EIPR1: variants seen among roughly 807,000 people sequenced by gnomAD.
EIPR1 encodes the protein EARP complex and GARP complex interacting protein 1, also known as EARP and GARP complex-interacting protein 1.
In EIPR1, 25 loss-of-function variants were observed where a neutral mutation model predicts 48.1. The observed-to-expected ratio is 0.52, with a 90% CI of 0.38 to 0.73. EIPR1 has a LOEUF of 0.73. EIPR1 is among the 30% of genes least tolerant of loss of function. The probability of loss-of-function intolerance (pLI) is 0.00; values close to 1 mark genes in which losing one functional copy is unlikely to be tolerated. For missense variants in EIPR1, 415 were observed against 506.2 expected, an observed-to-expected ratio of 0.82 and a Z score of 1.73; for synonymous variants, 204 against 201.9, an observed-to-expected ratio of 1.01 and a Z score of -0.09.
At chr2:3,305,484 T>TAAC (rs1553298206) in intron 3 of EIPR1, among the ~76,000 whole-genome samples, 1 of 126,756 alleles carries the variant, frequency 7.9e-6, no homozygotes, top group Non-Finnish European at 1.7e-5. Flanking sequence ...TCCACTCCCG[T>TAAC]CAGTTCAGCC....
chr2:3,346,500 C>T (rs1004377913), intron 2 of EIPR1, among the ~76,000 whole-genome samples: 1 of 152,196 alleles, frequency 6.6e-6, no homozygotes, highest in Admixed American at 6.5e-5. Flanking sequence ...CATCCAACAA[C>T]CTGCTCAGCA....
At chr2:3,354,755 G>A (rs896145453) in intron 1 of EIPR1, 122 bp from the exon 2 acceptor site, 2 of 1,085,432 alleles carry the variant, frequency 1.8e-6, no homozygotes, top group Admixed American at 2.3e-5. Flanking sequence ...TTAGTACAGA[G>A]TGTCTGGAAA....
chr2:3,220,062 C>T (rs938619620), intron 4 of EIPR1, among the ~76,000 whole-genome samples: 1 of 152,198 alleles, frequency 6.6e-6, no homozygotes, highest in African/African-American at 2.4e-5. Context: ...ATCTAGGCTG[C>T]ACACTCCTTA....
In EIPR1 at chr2:3,245,368, G is replaced by A. The variant is rs1237070023; in HGVS notation, c.416+11931C>T. Among the ~76,000 whole-genome samples the A allele has an allele frequency of 3.3e-5, 5 of 152,016 alleles. No homozygotes were observed. In the South Asian group the frequency reaches 6.2e-4, roughly 19 times the overall value. ...CATGGGATTACAGGCAGCCATCACC[G>A]TGCCCAGCTAATTTTTGTATTTTTA... On this transcript the variant is annotated intron_variant, in intron 4 of 8. Coordinates refer to ENST00000382125, the MANE Select transcript of EIPR1 (RefSeq NM_003310.5).
intron 3 of EIPR1, among the ~76,000 whole-genome samples, chr2:3,289,438 T>A (rs1264892363): frequency 6.6e-6 from 1 of 152,146 alleles, no homozygotes. Flanking sequence ...AGAAGGGCAA[T>A]GGCAGACCCA....
chr2:3,310,381 C>T (rs1299968543), intron 3 of EIPR1, among the ~76,000 whole-genome samples: 2 of 151,742 alleles, frequency 1.3e-5, no homozygotes, highest in African/African-American at 2.4e-5. Flanking sequence ...TGGCCGGGCG[C>T]GGTGGCTCAC....
chr2:3,297,439 G>A (rs1668636086), intron 3 of EIPR1, among the ~76,000 whole-genome samples: 1 of 152,194 alleles, frequency 6.6e-6, no homozygotes, highest in African/African-American at 2.4e-5. Context: ...GTTAAATAAG[G>A]GCTGTAGATG....
At chr2:3,271,639 C>A (rs1312300429) in intron 3 of EIPR1, among the ~76,000 whole-genome samples, 3 of 152,196 alleles carry the variant, frequency 2.0e-5, no homozygotes, top group Non-Finnish European at 2.9e-5. Context: ...AAAACATTCA[C>A]TAAACCATGC....
intron 3 of EIPR1, among the ~76,000 whole-genome samples, chr2:3,324,777 G>T (rs1042491702): frequency 6.6e-6 from 1 of 152,244 alleles, no homozygotes; most frequent in African/African-American, 2.4e-5. Context: ...ACGCCGGGGG[G>T]AGTGCAGGCG....
intron 3 of EIPR1, among the ~76,000 whole-genome samples, chr2:3,258,574 T>A (rs943579245): frequency 8.5e-5 from 13 of 152,360 alleles, no homozygotes; most frequent in African/African-American, 3.1e-4. Context: ...GACCTTAGGT[T>A]ACAATCGAAA....
At chr2:3,347,795 CAG>C (rs1332532905) in intron 2 of EIPR1, among the ~76,000 whole-genome samples, 1 of 152,232 alleles carries the variant, frequency 6.6e-6, no homozygotes, top group East Asian at 1.9e-4. Flanking sequence ...ACACTGAAGA[CAG>C]TAAGAAACAG....
intron 4 of EIPR1, among the ~76,000 whole-genome samples, chr2:3,220,866 C>T (rs1345118965): frequency 1.3e-5 from 2 of 149,834 alleles, no homozygotes; most frequent in East Asian, 2.0e-4. Context: ...ACGCAATGGC[C>T]GAGGTACACT....
chr2:3,236,841 A>C (rs1666419788), intron 4 of EIPR1, among the ~76,000 whole-genome samples: 1 of 152,240 alleles, frequency 6.6e-6, no homozygotes, highest in South Asian at 2.1e-4. Context: ...GGGCTGACTC[A>C]GTATCTTGAG....
At position 3,286,298 on chromosome 2, in the gene EIPR1, C is replaced by T. The variant is rs929026421; in HGVS notation, c.260-28843G>A. Reference sequence around the variant, plus strand: ...CGACAACTGCCGTCACCGTGCCTGCCTGTGTATGACGTGTACACACACTGC... The same window carrying T: ...CGACAACTGCCGTCACCGTGCCTGCTTGTGTATGACGTGTACACACACTGC... On this transcript the variant is annotated intron_variant, in intron 3 of 8. Transcript: ENST00000382125. The surrounding 1 kb of genome is among the most constrained non-coding windows in gnomAD (Gnocchi z 4.2). Among the ~76,000 whole-genome samples, 2 of 152,232 alleles carry T rather than the reference C, an allele frequency of 1.3e-5. No individual in the cohort carries two copies. The highest frequency in any genetic ancestry group is 2.4e-5 in the African/African-American group (1 of 41,464).
At chr2:3,259,076 C>T (rs1173983576) in intron 3 of EIPR1, among the ~76,000 whole-genome samples, 2 of 152,070 alleles carry the variant, frequency 1.3e-5, no homozygotes, top group Non-Finnish European at 2.9e-5. Flanking sequence ...AATGCCTAAC[C>T]CACTAGCACA....
rs116312775 is a variant in EIPR1, at chr2:3,237,534, G to A, written c.416+19765C>T. ...TTGCACACAGGAAAAAGCACTGTACGTCTGGGGTTCCACACTATCAGCCGT... is the reference window on the plus strand; with the variant it reads ...TTGCACACAGGAAAAAGCACTGTACATCTGGGGTTCCACACTATCAGCCGT... On this transcript the variant is annotated intron_variant, in intron 4 of 8. Coordinates refer to ENST00000382125, the MANE Select transcript of EIPR1 (RefSeq NM_003310.5). Among the ~76,000 whole-genome samples the A allele has an allele frequency of 6.6e-5, 10 of 152,304 alleles. 1 individual carries two copies. The highest frequency in any genetic ancestry group is 4.1e-4 in the South Asian group (2 of 4,822).
intron 1 of EIPR1, among the ~76,000 whole-genome samples, chr2:3,366,457 C>T: frequency 6.6e-6 from 1 of 152,096 alleles, no homozygotes; most frequent in African/African-American, 2.4e-5. Context: ...ACAGACAACC[C>T]CCAAAACACA....
At chr2:3,275,859 A>T (rs1667832104) in intron 3 of EIPR1, among the ~76,000 whole-genome samples, 1 of 152,228 alleles carries the variant, frequency 6.6e-6, no homozygotes, top group Non-Finnish European at 1.5e-5. Context: ...ACACTCAAGA[A>T]GATTATTATA....
chr2:3,212,176 AG>A (rs1291654765), intron 5 of EIPR1, among the ~76,000 whole-genome samples: 71 of 152,364 alleles, frequency 4.7e-4, no homozygotes, highest in African/African-American at 1.7e-3. Context: ...TGGATAAAAA[AG>A]GGGGAGAGAA....
Sources: gnomAD v4.1 joint callset for allele counts (sites outside exome capture counted in the v4.1 genomes callset) on GRCh38, gnomAD v4.1.1 for gene constraint, Gnocchi (gnomAD v3.1) non-coding constraint, MANE v1.5 for transcripts, NCBI Gene and HGNC (gene_info 2026-07-23, HGNC 2026-07-21) for gene names.